Variants in EMC7 observed in about 807,000 individuals in gnomAD.
EMC7 encodes ER membrane protein complex subunit 7, also known as endoplasmic reticulum membrane protein complex subunit 7.
Under a neutral mutation model 24.4 loss-of-function variants are expected in EMC7, and 4 were observed. That is an observed-to-expected ratio of 0.16 (90% CI 0.08 to 0.38). EMC7 has a LOEUF of 0.38. EMC7 is among the 10% of genes least tolerant of loss of function. The pLI, the probability that EMC7 is intolerant of heterozygous loss-of-function variation, is 1.00. For synonymous variants in EMC7, 106 were observed against 112.0 expected (o/e 0.95, Z 0.34); for missense variants, 221 against 300.6 (o/e 0.74, Z 1.96).
chr15:34,092,294 A>ACACACAC (rs1555523201), intron 2 of EMC7, among the ~76,000 whole-genome samples: 1 of 24,642 alleles, frequency 4.1e-5, no homozygotes, highest in Non-Finnish European at 1.2e-4. Flanking sequence ...CACACACACA[A>ACACACAC]AGAATTAGGA....
At chr15:34,090,548 CACA>C in intron 2 of EMC7, 93 bp from the exon 3 acceptor site, 2 of 1,326,856 alleles carry the variant, frequency 1.5e-6, no homozygotes, top group South Asian at 4.0e-5. Context: ...ATGCCTTATA[CACA>C]CTTTCAGCTT....
At chr15:34,096,144 T>G in intron 1 of EMC7, 130 bp from the exon 2 acceptor site, 2 of 1,046,874 alleles carry the variant, frequency 1.9e-6, no homozygotes, top group South Asian at 4.9e-5. Context: ...AACAAAACCT[T>G]GGCGAAAGTT....
chr15:34,088,894 T>TCA (rs1900933372), intron 3 of EMC7, among the ~76,000 whole-genome samples: 1 of 152,118 alleles, frequency 6.6e-6, no homozygotes, highest in South Asian at 2.1e-4. Flanking sequence ...CTCGCTCTGT[T>TCA]CCCCGGGCTG....
At chr15:34,093,806 C>CACACACACACACATAT (rs61440619) in intron 2 of EMC7, among the ~76,000 whole-genome samples, 1 of 30,252 alleles carries the variant, frequency 3.3e-5, no homozygotes, top group African/African-American at 8.6e-5. Flanking sequence ...CACACACACA[C>CACACACACACACATAT]ATATATATAT....
At chr15:34,094,362 C>T (rs1357717216) in intron 2 of EMC7, among the ~76,000 whole-genome samples, 1 of 151,998 alleles carries the variant, frequency 6.6e-6, no homozygotes, top group Non-Finnish European at 1.5e-5. Flanking sequence ...GGTGAAATCC[C>T]GTCTCTACTA....
intron 1 of EMC7, among the ~76,000 whole-genome samples, chr15:34,097,056 C>T (rs1341336548): frequency 1.5e-3 from 3 of 1,998 alleles, no homozygotes; most frequent in Non-Finnish European, 4.4e-3. Context: ...TTTTTTGAGA[C>T]GGAGTCTCAC....
chr15:34,096,392 A>G (rs1027156458), intron 1 of EMC7, among the ~76,000 whole-genome samples: 2 of 151,894 alleles, frequency 1.3e-5, no homozygotes, highest in Non-Finnish European at 2.9e-5. Flanking sequence ...GCTGGTCTCG[A>G]ACTCCTGACC....
At chr15:34,084,868 G>A (rs192892408) in intron 4 of EMC7, among the ~76,000 whole-genome samples, 1 of 151,634 alleles carries the variant, frequency 6.6e-6, no homozygotes, top group East Asian at 1.9e-4. Flanking sequence ...TTAACATTAG[G>A]TATATCTTCT....
rs764800614 is a variant in EMC7 at position 34,084,327 on chromosome 15, G to C, written c.*7C>G. ...GTTTGTGCAAATGCCAGCTCTGGAC[G>C]GCCTGACTACCTCCTTTTGCCAGCC... On this transcript the variant is annotated 3_prime_UTR_variant, in exon 5 of 5. Coordinates refer to ENST00000256545, the MANE Select transcript of EMC7 (RefSeq NM_020154.3). 3.1e-6 allele frequency: 5 copies of C among 1,611,484 alleles called. No individual in the cohort carries two copies. The African/African-American group carries it at 5.3e-5, about 17-fold the overall frequency.
At chr15:34,085,355 TATATA>T (rs1228405264) in intron 4 of EMC7, among the ~76,000 whole-genome samples, 24 of 152,370 alleles carry the variant, frequency 1.6e-4, no homozygotes, top group African/African-American at 5.8e-4. Context: ...GTTTGATAGT[TATATA>T]ATATTAATGT....
intron 4 of EMC7, 24 bp from the exon 5 acceptor site, chr15:34,084,510 A>C (rs1415490652): frequency 6.2e-7 from 1 of 1,600,810 alleles, no homozygotes; most frequent in Admixed American, 1.7e-5. Flanking sequence ...AGGCACAATG[A>C]TATGTAGGAT....
At chr15:34,097,651 C>T (rs530209892) in intron 1 of EMC7, among the ~76,000 whole-genome samples, 108 of 152,052 alleles carry the variant, frequency 7.1e-4, no homozygotes, top group Non-Finnish European at 1.3e-3. Flanking sequence ...AGAGAATTCC[C>T]GATATCATAA....
chr15:34,091,410 A>G (rs1900971857), intron 2 of EMC7, among the ~76,000 whole-genome samples: 1 of 152,140 alleles, frequency 6.6e-6, no homozygotes, highest in East Asian at 1.9e-4. Context: ...AAGTAAAGAG[A>G]TACAAAGGGT....
chr15:34,097,132 C>T (rs534702113), intron 1 of EMC7, among the ~76,000 whole-genome samples: 2 of 150,628 alleles, frequency 1.3e-5, no homozygotes, highest in African/African-American at 2.4e-5. Context: ...CTCCTGCGTT[C>T]ACGCCATTCT....
intron 1 of EMC7, among the ~76,000 whole-genome samples, chr15:34,100,184 T>C (rs1249953949): frequency 2.0e-5 from 3 of 152,058 alleles, no homozygotes; most frequent in Non-Finnish European, 4.4e-5. Context: ...CTACAAAAAA[T>C]TAAAAAATTA....
chr15:34,093,625 T>C (rs1033057713), intron 2 of EMC7, among the ~76,000 whole-genome samples: 1 of 149,768 alleles, frequency 6.7e-6, no homozygotes, highest in African/African-American at 2.5e-5. Flanking sequence ...GTTTTCAATA[T>C]AAAAAAAATG....
Position 34,101,783 on chromosome 15 carries a change from C to A in EMC7, c.57G>T (p.Gly19=). The A allele has an allele frequency of 6.2e-7, 1 of 1,613,286 alleles. No homozygotes were observed. Among genetic ancestry groups the A allele is most frequent in the South Asian group, 1.1e-5 (1 of 91,026 alleles). The stretch of plus-strand genomic sequence containing the variant: ...CGGGCACCTCCGAGCTCTGGACATC[C>A]CCCGATAGCAGCAGCAGCAGCAGGA... ...FPVLLLLLLS[G]DVQSSEVPGA... Residue 19 remains glycine, a synonymous_variant, in exon 1 of 5, where the codon GGG becomes GGT. Coordinates refer to ENST00000256545, the MANE Select transcript of EMC7 (RefSeq NM_020154.3).
intron 2 of EMC7, among the ~76,000 whole-genome samples, chr15:34,092,895 T>C (rs1045801997): frequency 6.6e-6 from 1 of 152,126 alleles, no homozygotes; most frequent in Non-Finnish European, 1.5e-5. Flanking sequence ...AAGTCAAAAA[T>C]GCATTTAATA....
Position 34,084,287 on chromosome 15 carries a change from AC to A in EMC7, c.*46del, listed in dbSNP as rs914527059. 1 of 1,580,822 alleles carries A rather than the reference AC, an allele frequency of 6.3e-7. No individual in the cohort carries two copies. Among genetic ancestry groups the A allele is most frequent in the African/African-American group, 1.3e-5 (1 of 74,152 alleles). Reference sequence around the variant, plus strand: ...CACGGTTTTCCAAGACTTGGATGCCACCCAGTGTTGCCGTGTTTGTGCAAAT... The same window carrying A: ...CACGGTTTTCCAAGACTTGGATGCCACCAGTGTTGCCGTGTTTGTGCAAAT... On this transcript the variant is annotated 3_prime_UTR_variant, in exon 5 of 5. Coordinates refer to ENST00000256545, the MANE Select transcript of EMC7 (RefSeq NM_020154.3).
Sources: allele counts gnomAD v4.1 joint callset (sites outside exome capture counted in the v4.1 genomes callset), GRCh38; gene constraint gnomAD v4.1.1; transcripts MANE v1.5; gene names NCBI Gene and HGNC (gene_info 2026-07-23, HGNC 2026-07-21).